MYO10: variants seen among roughly 807,000 people sequenced by gnomAD.
MYO10 encodes myosin X.
Under a neutral mutation model 257.3 loss-of-function variants are expected in MYO10, and 133 were observed. The observed-to-expected ratio is 0.52, with a 90% CI of 0.45 to 0.60. MYO10 has a LOEUF of 0.60. MYO10 is among the 20% of genes least tolerant of loss of function. The probability of loss-of-function intolerance (pLI) is 0.00; values close to 1 mark genes in which losing one functional copy is unlikely to be tolerated. For missense variants in MYO10, 2,399 were observed against 2,635.7 expected (o/e 0.91, Z 1.97); for synonymous variants, 1,104 against 1,028.6 (o/e 1.07, Z -1.40).
chr5:16,743,316 A>T (rs945122873), intron 19 of MYO10, among the ~76,000 whole-genome samples: 1 of 152,068 alleles, frequency 6.6e-6, no homozygotes, highest in East Asian at 1.9e-4. Flanking sequence ...AATCTTGTCC[A>T]TATCATTCAC....
intron 19 of MYO10, among the ~76,000 whole-genome samples, chr5:16,711,706 C>T (rs906110031): frequency 5.9e-5 from 9 of 151,928 alleles, no homozygotes; most frequent in South Asian, 2.1e-4. Context: ...TGCTTGAACC[C>T]GGGAGGCAGA....
chr5:16,781,595 GA>G, intron 6 of MYO10, 109 bp downstream of exon 6: 1 of 1,186,458 alleles, frequency 8.4e-7, no homozygotes, highest in South Asian at 1.6e-5. Flanking sequence ...ATTCGTTAAA[GA>G]ACCAGAGAAA....
chr5:16,933,737 G>T (rs529772457), intron 1 of MYO10, among the ~76,000 whole-genome samples: 16 of 152,342 alleles, frequency 1.1e-4, no homozygotes, highest in African/African-American at 3.8e-4. Flanking sequence ...TATGTTAAGA[G>T]TATGTCTACA....
intron 19 of MYO10, among the ~76,000 whole-genome samples, chr5:16,736,348 C>T (rs1055891415): frequency 2.0e-5 from 3 of 152,210 alleles, no homozygotes; most frequent in Non-Finnish European, 4.4e-5. Flanking sequence ...GCCTCTAGCA[C>T]GCCCCAGATA....
intron 3 of MYO10, among the ~76,000 whole-genome samples, chr5:16,817,528 A>C (rs1742660983): frequency 6.6e-6 from 1 of 152,188 alleles, no homozygotes; most frequent in South Asian, 2.1e-4. Flanking sequence ...GAATCCCACA[A>C]CTTAGAAAGA....
intron 19 of MYO10, chr5:16,738,219 C>A: frequency 1.0e-6 from 1 of 985,216 alleles, no homozygotes; most frequent in Non-Finnish European, 1.2e-6. Context: ...CGAGGCCATG[C>A]CTACCTCCAG....
intron 1 of MYO10, among the ~76,000 whole-genome samples, chr5:16,924,884 G>C (rs1375427757): frequency 6.9e-6 from 1 of 145,274 alleles, no homozygotes; most frequent in Admixed American, 7.1e-5. Flanking sequence ...AGGCTGGAGT[G>C]CAGTGGCACG....
At chr5:16,757,303 C>CACACACACACACAA (rs1353493200) in intron 18 of MYO10, among the ~76,000 whole-genome samples, 8 of 75,400 alleles carry the variant, frequency 1.1e-4, no homozygotes, top group African/African-American at 3.3e-4. Flanking sequence ...CACACACAAA[C>CACACACACACACAA]ACACACACAC....
intron 1 of MYO10, among the ~76,000 whole-genome samples, chr5:16,923,161 G>A (rs146065924): frequency 1.3e-5 from 2 of 152,064 alleles, no homozygotes; most frequent in Non-Finnish European, 2.9e-5. Flanking sequence ...AATCCCCCTG[G>A]GTCACATCAT....
chr5:16,754,861 G>T lies in MYO10; in HGVS notation c.1896C>A (p.Phe632Leu). 6.2e-7 allele frequency: 1 copy of T among 1,604,636 alleles called. No homozygotes were observed. The highest frequency in any genetic ancestry group is 8.5e-7 in the Non-Finnish European group (1 of 1,174,038). ...LMATLSSSNP[F>L]FVRCIKPNMQ... The stretch of plus-strand genomic sequence containing the variant: ...TGTTTGGCTTGATACAGCGAACAAA[G>T]AAAGGATTAGAGGAGCTTAGCGTTG... The change falls in exon 19 of 41, where the codon TTC (phenylalanine) becomes TTA (leucine). Residue 632 changes from phenylalanine to leucine, a missense_variant. Physicochemically the swap from Phe to Leu is conservative, Grantham distance 22. Coordinates refer to ENST00000513610, the MANE Select transcript of MYO10 (RefSeq NM_012334.3).
intron 1 of MYO10, among the ~76,000 whole-genome samples, chr5:16,907,693 G>C (rs1456779575): frequency 6.6e-6 from 1 of 152,094 alleles, no homozygotes; most frequent in Non-Finnish European, 1.5e-5. Context: ...ACTCACTGTG[G>C]GAAAAGGGCA....
At chr5:16,872,975 C>T (rs1744493311) in intron 2 of MYO10, among the ~76,000 whole-genome samples, 1 of 152,102 alleles carries the variant, frequency 6.6e-6, no homozygotes, top group Non-Finnish European at 1.5e-5. Context: ...CATTTCATCC[C>T]TGACCCCTCC....
chr5:16,899,361 G>T (rs917985086), intron 1 of MYO10, among the ~76,000 whole-genome samples: 5 of 151,750 alleles, frequency 3.3e-5, no homozygotes, highest in African/African-American at 1.2e-4. Context: ...GTGGCTGGGC[G>T]CGATGACTCA....
chr5:16,739,957 G>A (rs969624870), intron 19 of MYO10, among the ~76,000 whole-genome samples: 3 of 152,044 alleles, frequency 2.0e-5, no homozygotes, highest in Non-Finnish European at 4.4e-5. Context: ...ATTCTTTGTC[G>A]CATATTTTTG....
At chr5:16,704,731 C>T in intron 21 of MYO10, 46 bp from the exon 22 acceptor site, 1 of 1,471,962 alleles carries the variant, frequency 6.8e-7, no homozygotes, top group Admixed American at 1.7e-5. Flanking sequence ...ACATGGCCAG[C>T]AGAAGGAAGG....
At chr5:16,807,167 C>A (rs144728151) in intron 3 of MYO10, among the ~76,000 whole-genome samples, 1 of 152,192 alleles carries the variant, frequency 6.6e-6, no homozygotes, top group African/African-American at 2.4e-5. Context: ...CGGCTAAATA[C>A]GGCAGTGACT....
intron 2 of MYO10, among the ~76,000 whole-genome samples, chr5:16,867,051 C>T (rs1245867944): frequency 5.9e-5 from 9 of 152,330 alleles, no homozygotes; most frequent in East Asian, 1.9e-4. Context: ...CGTGCTCCTG[C>T]GCACCCGGGC....
intron 2 of MYO10, among the ~76,000 whole-genome samples, chr5:16,820,584 C>A (rs1266914476): frequency 6.6e-6 from 1 of 152,154 alleles, no homozygotes; most frequent in Non-Finnish European, 1.5e-5. Context: ...GAAGCCAGCA[C>A]AACTATCTCC....
intron 3 of MYO10, among the ~76,000 whole-genome samples, chr5:16,799,981 G>T (rs1742075520): frequency 6.6e-6 from 1 of 152,144 alleles, no homozygotes; most frequent in Non-Finnish European, 1.5e-5. Context: ...TCTTTCAGAA[G>T]AAAAGATAAT....
Sources: allele counts gnomAD v4.1 joint callset (sites outside exome capture counted in the v4.1 genomes callset), GRCh38; gene constraint gnomAD v4.1.1; transcripts MANE v1.5; gene names NCBI Gene and HGNC (gene_info 2026-07-23, HGNC 2026-07-21).